Variants in TP53BP1 observed in about 807,000 individuals in gnomAD.
TP53BP1 encodes tumor protein p53 binding protein 1.
In TP53BP1, 61 loss-of-function variants were observed where a neutral mutation model predicts 200.8. That is an observed-to-expected ratio of 0.30 (90% CI 0.25 to 0.38). The LOEUF (loss-of-function observed/expected upper bound fraction) is 0.38, where lower values mean the gene tolerates loss of function less well. Ranked by LOEUF, TP53BP1 falls within the 10% of genes least tolerant of loss-of-function variation. TP53BP1 has a pLI of 1.00. For missense variants in TP53BP1, 2,144 were observed against 2,371.9 expected (o/e 0.90, Z 2.00); for synonymous variants, 822 against 844.3 (o/e 0.97, Z 0.46).
At chr15:43,494,135 A>G (rs1174051837), upstream of TP53BP1, among the ~76,000 whole-genome samples, 1 of 152,174 alleles carries the variant, frequency 6.6e-6, no homozygotes, top group Non-Finnish European at 1.5e-5. Context: ...TGGATCCAGG[A>G]TAGAATTCTA....
At chr15:43,462,624 T>G (rs1053195258) in intron 11 of TP53BP1, among the ~76,000 whole-genome samples, 4 of 152,198 alleles carry the variant, frequency 2.6e-5, no homozygotes, top group African/African-American at 9.7e-5. Context: ...CCACATCTTC[T>G]GCAAGACATA....
chr15:43,454,129 C>T (rs914380139), intron 12 of TP53BP1, among the ~76,000 whole-genome samples: 2 of 151,088 alleles, frequency 1.3e-5, no homozygotes, highest in Non-Finnish European at 1.5e-5. Flanking sequence ...TGCTTGAACC[C>T]GGGAGGCAGA....
At chr15:43,470,915 T>C (rs2046709117) in intron 10 of TP53BP1, among the ~76,000 whole-genome samples, 1 of 152,222 alleles carries the variant, frequency 6.6e-6, no homozygotes, top group Non-Finnish European at 1.5e-5. Flanking sequence ...ATACCCAGCT[T>C]TGCTGCTTAG....
At chr15:43,484,128 C>G (rs1401225731) in intron 4 of TP53BP1, among the ~76,000 whole-genome samples, 1 of 152,204 alleles carries the variant, frequency 6.6e-6, no homozygotes, top group African/African-American at 2.4e-5. Context: ...TCTTCTCTAT[C>G]TTAACTGTCA....
In TP53BP1 at chr15:43,491,836, T is replaced by A. The variant is rs45624740; in HGVS notation, c.287-83A>T. 5.3e-5 allele frequency: 66 copies of A among 1,236,108 alleles called. 1 individual carries two copies. In the Admixed American group the frequency reaches 1.1e-3, roughly 21 times the overall value. 76.6% of individuals were successfully genotyped at this position (1,236,108 alleles called of 1,614,324 possible). On this transcript the variant is annotated intron_variant, in intron 3 of 27. Transcript: ENST00000382044. ...AAATCAGGAATACAGACAATACCAA[T>A]CTAATCAGTGACACTAGCACATCAA...
intron 4 of TP53BP1, among the ~76,000 whole-genome samples, chr15:43,486,086 A>T (rs1302064450): frequency 1.3e-5 from 2 of 152,084 alleles, no homozygotes; most frequent in South Asian, 2.1e-4. Context: ...AACAAAAAAA[A>T]AATTGGGAGG....
At chr15:43,492,658 C>T (rs1292110864) in intron 1 of TP53BP1, among the ~76,000 whole-genome samples, 190 bp from the exon 2 acceptor site, 1 of 152,068 alleles carries the variant, frequency 6.6e-6, no homozygotes, top group African/African-American at 2.4e-5. Context: ...CACCATTCCT[C>T]GTTATTTACA....
At chr15:43,465,773 C>T (rs1233346492) in intron 11 of TP53BP1, among the ~76,000 whole-genome samples, 4 of 151,658 alleles carry the variant, frequency 2.6e-5, no homozygotes, top group Non-Finnish European at 5.9e-5. Flanking sequence ...AAGTCAAGAT[C>T]AGACTGCCTT....
At chr15:43,469,614 C>T (rs2046673612) in intron 11 of TP53BP1, among the ~76,000 whole-genome samples, 1 of 151,938 alleles carries the variant, frequency 6.6e-6, no homozygotes, top group African/African-American at 2.4e-5. Flanking sequence ...TTTGCAGTAA[C>T]ATTTTCAAAA....
intron 15 of TP53BP1, among the ~76,000 whole-genome samples, chr15:43,440,000 C>T (rs2045888253): frequency 6.6e-6 from 1 of 152,150 alleles, no homozygotes; most frequent in African/African-American, 2.4e-5. Flanking sequence ...ATTAAATATA[C>T]TAATAGCCCA....
chr15:43,488,369 A>G (rs1480041887), intron 4 of TP53BP1, among the ~76,000 whole-genome samples: 1 of 152,028 alleles, frequency 6.6e-6, no homozygotes, highest in African/African-American at 2.4e-5. Flanking sequence ...TTTTGAAATG[A>G]CATTTTACAC....
rs558699370 is a variant in TP53BP1, at chr15:43,450,001, G to A, written c.2717-2516C>T. ...GTATATTTTATCCTTTTAAACTTAC[G>A]GAATTTTCCACATATTCCATTATTT... is the stretch of plus-strand genomic sequence containing the variant. On this transcript the variant is annotated intron_variant, in intron 12 of 27. Coordinates refer to ENST00000382044, the MANE Select transcript of TP53BP1 (RefSeq NM_001141980.3). Among the ~76,000 whole-genome samples, 73 of 152,100 alleles carry A rather than the reference G, an allele frequency of 4.8e-4. 1 individual carries two copies. The South Asian group carries it at 0.014, about 28-fold the overall frequency.
At chr15:43,497,754 G>A (rs1483187683), upstream of TP53BP1, among the ~76,000 whole-genome samples, 1 of 152,188 alleles carries the variant, frequency 6.6e-6, no homozygotes, top group Non-Finnish European at 1.5e-5. Context: ...ATTGTTTAAT[G>A]ATTTACATAG....
At chr15:43,455,312 TA>T (rs554824462) in intron 12 of TP53BP1, among the ~76,000 whole-genome samples, 3 of 147,732 alleles carry the variant, frequency 2.0e-5, no homozygotes, top group Admixed American at 6.8e-5. Flanking sequence ...ACAATCTAAG[TA>T]AAAAAAAAAC....
At chr15:43,487,177 G>T (rs1296244707) in intron 4 of TP53BP1, among the ~76,000 whole-genome samples, 1 of 152,008 alleles carries the variant, frequency 6.6e-6, no homozygotes, top group Non-Finnish European at 1.5e-5. Flanking sequence ...ACATTTCCCT[G>T]AAGAAAATGA....
rs993726836 is a variant in TP53BP1, at chr15:43,403,418, A to G, written c.*3965T>C. 34 of 314,242 alleles carry G rather than the reference A, an allele frequency of 1.1e-4. No individual in the cohort carries two copies. Among genetic ancestry groups the G allele is most frequent in the Middle Eastern group, 9.0e-4 (1 of 1,114 alleles). The allele number at this position is 314,242 out of a possible 1,614,324, so 19.5% of individuals were successfully genotyped here. ...GGAAGACACTCTGCGGGTCTAAGAAATGAAGAGTTAAATGTGGCTAGATTG... is the reference window on the plus strand; with the variant it reads ...GGAAGACACTCTGCGGGTCTAAGAAGTGAAGAGTTAAATGTGGCTAGATTG... On this transcript the variant is annotated 3_prime_UTR_variant, in exon 28 of 28. Coordinates refer to ENST00000382044, the MANE Select transcript of TP53BP1 (RefSeq NM_001141980.3).
chr15:43,446,610 G>C lies in TP53BP1; in HGVS notation c.2837-20C>G. The C allele has an allele frequency of 6.2e-7, 1 of 1,600,648 alleles. No homozygotes were observed. The highest frequency in any genetic ancestry group is 1.1e-5 in the South Asian group (1 of 89,320). On this transcript the variant is annotated intron_variant, in intron 13 of 27. Transcript: ENST00000382044. ...TAATACCTGAAAGAAGTGAGGCAGG[G>C]AGGAAGAAAAAAAGAACACTAAAAT...
At chr15:43,504,009 G>A (rs960984534) in intron 1 of TP53BP1, among the ~76,000 whole-genome samples, 1 of 152,168 alleles carries the variant, frequency 6.6e-6, no homozygotes, top group Non-Finnish European at 1.5e-5. Flanking sequence ...GGAGGGCCAG[G>A]AATGGTGGCT....
At chr15:43,473,257 C>T (rs181845206) in intron 10 of TP53BP1, among the ~76,000 whole-genome samples, 4 of 152,068 alleles carry the variant, frequency 2.6e-5, no homozygotes, top group Non-Finnish European at 2.9e-5. Flanking sequence ...GGGACCCGAG[C>T]GGGTTGCCAC....
Sources: allele counts gnomAD v4.1 joint callset (sites outside exome capture counted in the v4.1 genomes callset), GRCh38; gene constraint gnomAD v4.1.1; transcripts MANE v1.5; gene names NCBI Gene and HGNC (gene_info 2026-07-23, HGNC 2026-07-21).